The following PAXIP1 variants were observed in gnomAD, a reference collection of about 807,000 sequenced individuals.
PAXIP1 encodes PAX-interacting protein 1.
Under a neutral mutation model 140.6 loss-of-function variants are expected in PAXIP1, and 19 were observed. The observed-to-expected ratio is 0.14, with a 90% CI of 0.09 to 0.20. The LOEUF (loss-of-function observed/expected upper bound fraction) is 0.20. Ranked by LOEUF, PAXIP1 falls within the 10% of genes least tolerant of loss-of-function variation. The pLI, the probability that PAXIP1 is intolerant of heterozygous loss-of-function variation, is 1.00. For missense variants in PAXIP1, 920 were observed against 1,208.6 expected, an observed-to-expected ratio of 0.76 and a Z score of 3.54; for synonymous variants, 442 against 444.6, an observed-to-expected ratio of 0.99 and a Z score of 0.07.
intron 6 of PAXIP1, among the ~76,000 whole-genome samples, chr7:154,972,078 G>C (rs893116146): frequency 6.6e-6 from 1 of 152,150 alleles, no homozygotes; most frequent in African/African-American, 2.4e-5. Flanking sequence ...GCAGAGATGT[G>C]CCCAAACTCC....
At chr7:154,984,125 T>C (rs1222729852) in intron 4 of PAXIP1, among the ~76,000 whole-genome samples, 3 of 152,168 alleles carry the variant, frequency 2.0e-5, no homozygotes, top group Non-Finnish European at 4.4e-5. Context: ...CACCTAATAA[T>C]TGGAAAAGCT....
Position 154,993,749 on chromosome 7 carries a change from G to T in PAXIP1, c.237C>A (p.Ser79=). 1 of 1,591,712 alleles carries T rather than the reference G, an allele frequency of 6.3e-7. No individual in the cohort carries two copies. The highest frequency in any genetic ancestry group is 1.8e-5 in the Admixed American group (1 of 56,910). Residue 79 remains serine (S), a synonymous_variant, in exon 3 of 21, where the codon TCC becomes TCA. Coordinates refer to ENST00000404141, the MANE Select transcript of PAXIP1 (RefSeq NM_007349.4). Reference sequence around the variant, plus strand: ...ACGGCAGAAGAGTTCCACACTGAACGGACAGAATCACCCAAGAAGGCTGAA... The same window carrying T: ...ACGGCAGAAGAGTTCCACACTGAACTGACAGAATCACCCAAGAAGGCTGAA... ...PVVKPSWVIL[S]VQCGTLLPVN... is the part of the protein sequence containing the mutation.
rs541085546 is a variant in PAXIP1 at position 154,968,561 on chromosome 7, T to C, written c.1640A>G (p.Gln547Arg). The C allele has an allele frequency of 2.8e-6, 2 of 720,366 alleles. No homozygotes were observed. Among genetic ancestry groups the C allele is most frequent in the South Asian group, 1.5e-5 (1 of 67,456 alleles). The allele number at this position is 720,366 out of a possible 1,614,324, so 44.6% of individuals were successfully genotyped here. The stretch of plus-strand genomic sequence containing the variant: ...TGGCGCTGTCTGACTTTGCATCTGC[T>C]GCTGCTGCTGCTGCTGGTGCATGCG... Reference protein sequence around the residue: ...LQRMHQQQQQQQMQSQTAPHL... With the variant: ...LQRMHQQQQQRQMQSQTAPHL... The change falls in exon 7 of 21, where the codon CAG becomes CGG. Residue 547 changes from glutamine to arginine, a missense_variant. Coordinates refer to ENST00000404141, the MANE Select transcript of PAXIP1 (RefSeq NM_007349.4).
chr7:154,970,300 C>G (rs1809238674), intron 6 of PAXIP1, among the ~76,000 whole-genome samples: 1 of 152,222 alleles, frequency 6.6e-6, no homozygotes, highest in South Asian at 2.1e-4. Context: ...ACCAAAATCT[C>G]AAACATATTC....
intron 4 of PAXIP1, 23 bp from the exon 5 acceptor site, chr7:154,983,355 G>T (rs1809928803): frequency 3.3e-6 from 4 of 1,201,954 alleles, no homozygotes; most frequent in Non-Finnish European, 4.9e-6. Flanking sequence ...TAGAAAGAAG[G>T]CTTTTACCAT....
At chr7:154,958,544 G>A (rs1808628116) in intron 13 of PAXIP1, among the ~76,000 whole-genome samples, 1 of 152,108 alleles carries the variant, frequency 6.6e-6, no homozygotes, top group South Asian at 2.1e-4. Context: ...ATAATTTGCA[G>A]GAAAGTTTAT....
intron 1 of PAXIP1, chr7:155,000,741 T>C (rs939124582): frequency 6.6e-6 from 1 of 152,254 alleles, no homozygotes; most frequent in Admixed American, 6.5e-5. Flanking sequence ...CTTAATAGAT[T>C]TATCTCATAT....
rs1342652367 is a variant in PAXIP1 at position 154,956,073 on chromosome 7, T to C, written c.2550-442A>G. On this transcript the variant is annotated intron_variant, in intron 14 of 20. Transcript: ENST00000404141. The surrounding 1 kb of genome is among the most constrained non-coding windows in gnomAD (Gnocchi z 4.2). Reference sequence around the variant, plus strand: ...TTTGCACGTTCACCATCAATACAAGTCAGCCAAGACGAGTGTCGCTAGAGC... The same window carrying C: ...TTTGCACGTTCACCATCAATACAAGCCAGCCAAGACGAGTGTCGCTAGAGC... 6.6e-6 allele frequency among the ~76,000 whole-genome samples: 1 copy of C among 152,238 alleles called. No individual in the cohort carries two copies. Among genetic ancestry groups the C allele is most frequent in the Non-Finnish European group, 1.5e-5 (1 of 68,044 alleles).
chr7:155,002,309 G>T (rs1810943757), intron 1 of PAXIP1, among the ~76,000 whole-genome samples: 1 of 152,312 alleles, frequency 6.6e-6, no homozygotes. Context: ...GGAAGGGAGC[G>T]CTCCTCAGCC....
At chr7:154,962,182 A>T in intron 10 of PAXIP1, 139 bp downstream of exon 10, 1 of 765,762 alleles carries the variant, frequency 1.3e-6, no homozygotes, top group Non-Finnish European at 2.1e-6. Context: ...ATGAGCAGGC[A>T]CTTATGAACT....
chr7:154,980,442 T>C (rs1809788463), intron 5 of PAXIP1, among the ~76,000 whole-genome samples: 1 of 152,202 alleles, frequency 6.6e-6, no homozygotes. Context: ...TGAAGCAGGG[T>C]CTCACTTTGT....
Position 154,973,481 on chromosome 7 carries a change from T to G in PAXIP1, c.1074+2215A>C, listed in dbSNP as rs973655773. ...AATCTTCTATTCTCCTCAAACCCGA[T>G]GACCTTCTCTCTCTGCTCACCTTCT... On this transcript the variant is annotated intron_variant, in intron 6 of 20. Coordinates refer to ENST00000404141, the MANE Select transcript of PAXIP1 (RefSeq NM_007349.4). The surrounding 1 kb of genome is among the most constrained non-coding windows in gnomAD (Gnocchi z 4.0). Among the ~76,000 whole-genome samples the G allele has an allele frequency of 6.6e-6, 1 of 152,168 alleles. No homozygotes were observed. Among genetic ancestry groups the G allele is most frequent in the African/African-American group, 2.4e-5 (1 of 41,432 alleles).
At chr7:154,944,412 G>A (rs1393755839) in intron 20 of PAXIP1, 1 of 370,476 alleles carries the variant, frequency 2.7e-6, no homozygotes, top group Non-Finnish European at 5.0e-6. Context: ...TCCACCATGC[G>A]GCCAGAACTG....
rs1382411282 is a variant in PAXIP1 at position 154,956,315 on chromosome 7, G to A, written c.2550-684C>T. The A allele has an allele frequency of 2.0e-5, 3 of 152,056 alleles. No homozygotes were observed. The highest frequency in any genetic ancestry group is 1.3e-4 in the Admixed American group (2 of 15,268). The allele number at this position is 152,056 out of a possible 1,614,324, so 9.4% of individuals were successfully genotyped here. A position where few individuals can be genotyped will look rare whatever the true frequency, so the allele number is the denominator to read the frequency against. On this transcript the variant is annotated intron_variant, in intron 14 of 20. Transcript: ENST00000404141. This position sits in a 1 kb window ranked among gnomAD's most constrained non-coding sequence, Gnocchi z 4.2. ...AGCCTCAAAAAAATCACATAATTAG[G>A]ATTTTATTACAAAAGTCAACAGTTC...
chr7:154,968,830 T>TTGC lies in PAXIP1; in HGVS notation c.1368_1370dup (p.Gln457dup), dbSNP rs541452346. 4.0e-3 allele frequency: 2,942 copies of TTGC among 743,362 alleles called. 31 individuals carry two copies. The highest frequency in any genetic ancestry group is 0.032 in the African/African-American group (1,840 of 57,096). The allele number at this position is 743,362 out of a possible 1,614,324, so 46.0% of individuals were successfully genotyped here. ...GCTGTGAAAACTGATGCGGATGGGC[T>TTGC]TGCTGCTGCTGCTGCTGTTGCTGTG... On this transcript the variant is annotated inframe_insertion, in exon 7 of 21. Coordinates refer to ENST00000404141, the MANE Select transcript of PAXIP1 (RefSeq NM_007349.4).
intron 5 of PAXIP1, among the ~76,000 whole-genome samples, chr7:154,981,102 CAG>C (rs1491406309): frequency 1.3e-5 from 2 of 151,650 alleles, no homozygotes; most frequent in Non-Finnish European, 2.9e-5. Flanking sequence ...GCCTGGGCGA[CAG>C]AGTGAGACTC....
chr7:154,989,030 T>C (rs73171076), intron 4 of PAXIP1, among the ~76,000 whole-genome samples: 278 of 152,270 alleles, frequency 1.8e-3, no homozygotes, highest in Non-Finnish European at 3.1e-3. Context: ...TATACACTTA[T>C]AACAGATATG....
rs78409748 is a variant in PAXIP1 at position 154,953,301 on chromosome 7, A to G, written c.2821+954T>C. ...TGAGAAAGTGCGAGAACACGTCAATATAGGGCAAACAACTGGCACAGAAAA... is the reference window on the plus strand; with the variant it reads ...TGAGAAAGTGCGAGAACACGTCAATGTAGGGCAAACAACTGGCACAGAAAA... On this transcript the variant is annotated intron_variant, in intron 16 of 20. Coordinates refer to ENST00000404141, the MANE Select transcript of PAXIP1 (RefSeq NM_007349.4). Among the ~76,000 whole-genome samples the G allele has an allele frequency of 8.9e-3, 1,348 of 152,280 alleles. 28 individuals are homozygous for G. Among genetic ancestry groups the G allele is most frequent in the African/African-American group, 0.031 (1,271 of 41,546 alleles).
At chr7:154,985,832 C>T (rs1205021468) in intron 4 of PAXIP1, among the ~76,000 whole-genome samples, 1 of 152,212 alleles carries the variant, frequency 6.6e-6, no homozygotes, top group East Asian at 1.9e-4. Context: ...AAGAGTCTTA[C>T]ATGATGTCCT....
Sources: gnomAD v4.1 joint callset for allele counts (sites outside exome capture counted in the v4.1 genomes callset) on GRCh38, gnomAD v4.1.1 for gene constraint, Gnocchi (gnomAD v3.1) non-coding constraint, MANE v1.5 for transcripts, NCBI Gene and HGNC (gene_info 2026-07-23, HGNC 2026-07-21) for gene names.